TSC2: variants seen among roughly 807,000 people sequenced by gnomAD.
TSC2 encodes TSC complex subunit 2, also known as tuberin.
A neutral mutation model predicts 202.2 loss-of-function variants in TSC2; 29 were observed. That is an observed-to-expected ratio of 0.14 (90% CI 0.11 to 0.20). The LOEUF is 0.20. Ranked by LOEUF, TSC2 falls within the 10% of genes least tolerant of loss-of-function variation. The pLI is 1.00. For synonymous variants in TSC2, 1,349 were observed against 1,044.0 expected, an observed-to-expected ratio of 1.29 and a Z score of -5.63; for missense variants, 2,429 against 2,420.0, an observed-to-expected ratio of 1.00 and a Z score of -0.08.
intron 32 of TSC2, chr16:2,083,168 T>C: frequency 2.2e-6 from 1 of 457,340 alleles, no homozygotes; most frequent in Non-Finnish European, 4.4e-6. Flanking sequence ...CCCCCTGTCC[T>C]GACGCTGGCA....
chr16:2,074,337 G>T lies in TSC2; in HGVS notation c.2493G>T (p.Thr831=), dbSNP rs773645613. ...TGCCTGTTCTGGTGGTGAAGCTCACGCACATCTCAGCCACAGCCAGCATGG... is the reference window on the plus strand; with the variant it reads ...TGCCTGTTCTGGTGGTGAAGCTCACTCACATCTCAGCCACAGCCAGCATGG... ...KALPVLVVKL[T]HISATASMAV... Residue 831 remains threonine, a synonymous_variant, in exon 22 of 42, where the codon ACG becomes ACT. Transcript: ENST00000219476. 1 of 1,612,684 alleles carries T rather than the reference G, an allele frequency of 6.2e-7. No homozygotes were observed. The highest frequency in any genetic ancestry group is 1.1e-5 in the South Asian group (1 of 91,084).
chr16:2,050,629 T>C, intron 3 of TSC2, 143 bp downstream of exon 3: 1 of 666,250 alleles, frequency 1.5e-6, no homozygotes, highest in Non-Finnish European at 2.5e-6. Context: ...TGAGATGGAG[T>C]CTTGCTCTGT....
chr16:2,082,698 C>G (rs2090291606), intron 32 of TSC2, 194 bp downstream of exon 32: 1 of 670,406 alleles, frequency 1.5e-6, no homozygotes. Context: ...GACTTGGTCC[C>G]TTTGTGGCTG....
chr16:2,064,086 A>G (rs1218771557), intron 14 of TSC2, 186 bp from the exon 15 acceptor site: 1 of 852,796 alleles, frequency 1.2e-6, no homozygotes, highest in Non-Finnish European at 1.9e-6. Context: ...GCTGGACAGG[A>G]TCCCTGGAAG....
At chr16:2,056,575 G>T in intron 7 of TSC2, 69 bp from the exon 8 acceptor site, 1 of 1,588,098 alleles carries the variant, frequency 6.3e-7, no homozygotes, top group Non-Finnish European at 8.5e-7. Context: ...TGGGAAGGAA[G>T]CCTGGGTGTC....
At chr16:2,087,245 C>T (rs1343190622) in intron 38 of TSC2, 4 of 371,776 alleles carry the variant, frequency 1.1e-5, no homozygotes, top group South Asian at 6.6e-5. Context: ...CAGCAACCAG[C>T]GTCACCCTCT....
intron 1 of TSC2, 195 bp from the exon 2 acceptor site, chr16:2,048,392 C>A: frequency 1.2e-6 from 1 of 845,770 alleles, no homozygotes; most frequent in Non-Finnish European, 2.0e-6. Flanking sequence ...CTAGACCAGG[C>A]CTGGTGTCTC....
intron 21 of TSC2, among the ~76,000 whole-genome samples, chr16:2,073,469 T>C (rs995546739): frequency 2.0e-5 from 3 of 152,260 alleles, no homozygotes; most frequent in East Asian, 1.9e-4. Flanking sequence ...GACGAGGAGC[T>C]GGTGTCCTAG....
chr16:2,077,474 G>T (rs976314790), intron 25 of TSC2, 124 bp from the exon 26 acceptor site: 1 of 1,454,266 alleles, frequency 6.9e-7, no homozygotes, highest in Non-Finnish European at 9.5e-7. Flanking sequence ...CATCTCACCC[G>T]CGGGATCTCT....
intron 3 of TSC2, 85 bp from the exon 4 acceptor site, chr16:2,053,257 C>A: frequency 7.3e-7 from 1 of 1,363,264 alleles, no homozygotes; most frequent in Non-Finnish European, 1.0e-6. Context: ...TCCTCCCTGT[C>A]CTCCGCTCAC....
chr16:2,067,279 G>A (rs927453525), intron 16 of TSC2, among the ~76,000 whole-genome samples: 1 of 151,816 alleles, frequency 6.6e-6, no homozygotes, highest in Non-Finnish European at 1.5e-5. Flanking sequence ...CTGCCTCGGA[G>A]GCCTCCCAAG....
At chr16:2,080,069 C>A in intron 29 of TSC2, 96 bp from the exon 30 acceptor site, 1 of 1,525,176 alleles carries the variant, frequency 6.6e-7, no homozygotes, top group Non-Finnish European at 9.0e-7. Context: ...CTGCCTGTGG[C>A]ACTAGCTTGC....
chr16:2,082,882 G>A, intron 32 of TSC2: 2 of 401,224 alleles, frequency 5.0e-6, no homozygotes, highest in Non-Finnish European at 9.6e-6. Flanking sequence ...CCTGGCCTTT[G>A]GTGGCTCCCC....
intron 24 of TSC2, 67 bp downstream of exon 24, chr16:2,076,237 C>T (rs751240956): frequency 6.2e-7 from 1 of 1,603,666 alleles, no homozygotes. Flanking sequence ...CTTGGCTGTC[C>T]ATGGTCGGGC....
Position 2,062,968 on chromosome 16 carries a change from G to T in TSC2, c.1362-4G>T, listed in dbSNP as rs397515145. 71 of 1,549,888 alleles carry T rather than the reference G, an allele frequency of 4.6e-5. No individual in the cohort carries two copies. The highest frequency in any genetic ancestry group is 6.2e-5 in the Non-Finnish European group (71 of 1,146,766). ...ACCCGCCCCAGCAGGCTGCCGTCCC[G>T]CAGGAGCGAGTCCCGAGGCGCCGTG... On this transcript the variant is annotated splice_region_variant and splice_polypyrimidine_tract_variant and intron_variant, in intron 13 of 41. Coordinates refer to ENST00000219476, the MANE Select transcript of TSC2 (RefSeq NM_000548.5).
chr16:2,086,632 G>A, intron 37 of TSC2, 100 bp from the exon 38 acceptor site: 1 of 1,562,828 alleles, frequency 6.4e-7, no homozygotes, highest in South Asian at 1.1e-5. Context: ...GTCCCCGCAG[G>A]CCCCCAGAGC....
At position 2,060,720 on chromosome 16, in the gene TSC2, C is replaced by T. The variant is rs2151136126; in HGVS notation, c.1026C>T (p.Ile342=). The part of the protein sequence containing the change: ...EVVSYEIVLS[I]TRLIKKYRKE... ...TGTCCTATGAGATCGTCCTGTCCAT[C>T]ACCAGGCTCATCAAGAAGTATAGGA... The change falls in exon 11 of 42, where the codon ATC becomes ATT. Residue 342 remains isoleucine, a synonymous_variant. Coordinates refer to ENST00000219476, the MANE Select transcript of TSC2 (RefSeq NM_000548.5). 1 of 1,614,094 alleles carries T rather than the reference C, an allele frequency of 6.2e-7. No individual in the cohort carries two copies. The highest frequency in any genetic ancestry group is 8.5e-7 in the Non-Finnish European group (1 of 1,179,990).
rs2089293563 is a variant in TSC2, at chr16:2,075,984, T to G, written c.2640-84T>G. 5.8e-5 allele frequency: 93 copies of G among 1,612,062 alleles called. 1 individual carries two copies. In the South Asian group the frequency reaches 1.0e-3, roughly 18 times the overall value. On this transcript the variant is annotated intron_variant, in intron 23 of 41. Transcript: ENST00000219476. ...CCCGGCAGCCTTTGTCCCCAAGGCC[T>G]GAGCGCCTCGGTTTTTTGCACTTCA...
At chr16:2,074,678 A>G (rs990599751) in intron 22 of TSC2, 4 of 504,406 alleles carry the variant, frequency 7.9e-6, no homozygotes, top group African/African-American at 5.8e-5. Context: ...TCTCTGTCCA[A>G]CAGAGCACAC....
Sources: gnomAD v4.1 joint callset for allele counts (sites outside exome capture counted in the v4.1 genomes callset) on GRCh38, gnomAD v4.1.1 for gene constraint, MANE v1.5 for transcripts, NCBI Gene and HGNC (gene_info 2026-07-23, HGNC 2026-07-21) for gene names.